RNF175: variants seen among roughly 807,000 people sequenced by gnomAD.
The protein encoded by RNF175 is ring finger protein 175.
A neutral mutation model predicts 50.0 loss-of-function variants in RNF175; 38 were observed. That is an observed-to-expected ratio of 0.76 (90% CI 0.59 to 1.00). The LOEUF is 1.00. Ranked by LOEUF, RNF175 falls within the 50% of genes least tolerant of loss-of-function variation. The pLI is 0.00. For synonymous variants in RNF175, 155 were observed against 146.1 expected, an observed-to-expected ratio of 1.06 and a Z score of -0.44; for missense variants, 388 against 409.6, an observed-to-expected ratio of 0.95 and a Z score of 0.46.
chr4:153,718,238 G>GTTTTTTTTTTTTT (rs1430601897), intron 6 of RNF175, among the ~76,000 whole-genome samples: 4 of 82,122 alleles, frequency 4.9e-5, no homozygotes, highest in Non-Finnish European at 9.2e-5. Flanking sequence ...TTGTTTGTTT[G>GTTTTTTTTTTTTT]TTTTTTTTTT....
chr4:153,727,347 T>A (rs1738760233), intron 4 of RNF175, among the ~76,000 whole-genome samples: 1 of 152,228 alleles, frequency 6.6e-6, no homozygotes, highest in Admixed American at 6.5e-5. Flanking sequence ...TGAATTCATG[T>A]ATTTGGATAT....
intron 3 of RNF175, among the ~76,000 whole-genome samples, chr4:153,733,227 T>C (rs1255860421): frequency 6.6e-6 from 1 of 152,172 alleles, no homozygotes; most frequent in Non-Finnish European, 1.5e-5. Context: ...AAGTACATGA[T>C]CTGAATTATG....
At chr4:153,723,303 G>C (rs187033485) in intron 5 of RNF175, 48 bp downstream of exon 5, 11 of 932,096 alleles carry the variant, frequency 1.2e-5, no homozygotes, top group Admixed American at 1.9e-5. Context: ...AGGTGAGTGT[G>C]CCAAGCAAGT....
At position 153,745,304 on chromosome 4, in the gene RNF175, G is replaced by A. The variant is rs182910936; in HGVS notation, c.246+3341C>T. On this transcript the variant is annotated intron_variant, in intron 3 of 8. Transcript: ENST00000347063. ...ATCGGAAACTCTATGGACAGGACCC[G>A]GGAACTTGATTTAACAAGCTCTCTA... Among the ~76,000 whole-genome samples, 318 of 152,240 alleles carry A rather than the reference G, an allele frequency of 2.1e-3. 3 individuals carry two copies. The highest frequency in any genetic ancestry group is 2.1e-3 in the Non-Finnish European group (143 of 68,004).
chr4:153,716,996 C>T (rs549078443), intron 6 of RNF175, among the ~76,000 whole-genome samples: 3 of 152,202 alleles, frequency 2.0e-5, no homozygotes, highest in Non-Finnish European at 4.4e-5. Context: ...CAAACTGACT[C>T]TAAAATGTAA....
At chr4:153,734,819 G>C (rs1254729302) in intron 3 of RNF175, among the ~76,000 whole-genome samples, 1 of 151,588 alleles carries the variant, frequency 6.6e-6, no homozygotes, top group Non-Finnish European at 1.5e-5. Flanking sequence ...GGGACTACAG[G>C]CACCCGCCAC....
chr4:153,727,228 C>T (rs533802465), intron 4 of RNF175, among the ~76,000 whole-genome samples: 28 of 152,200 alleles, frequency 1.8e-4, no homozygotes, highest in Non-Finnish European at 3.7e-4. Flanking sequence ...AAGCCAGACA[C>T]TACAAGGGCT....
At position 153,759,809 on chromosome 4, in the gene RNF175, C is replaced by CG. The variant is rs747484286; in HGVS notation, c.53dup (p.Gln19AlafsTer156). ...CCCGCGCCAGTACCTGCTCCTGCTG[C>CG]GGGGGGGCCTCCAGCACCGGCGCTG... On this transcript the variant is annotated frameshift_variant, in exon 1 of 9. Transcript: ENST00000347063. LOFTEE classifies it high-confidence loss of function. 53 of 1,475,968 alleles carry CG rather than the reference C, an allele frequency of 3.6e-5. No homozygotes were observed. Among genetic ancestry groups the CG allele is most frequent in the African/African-American group, 1.0e-4 (7 of 67,972 alleles). The allele number at this position is 1,475,968 out of a possible 1,614,324, so 91.4% of individuals were successfully genotyped here. A position where few individuals can be genotyped will look rare whatever the true frequency, so the allele number is the denominator to read the frequency against.
chr4:153,727,105 T>A (rs1332811852), intron 4 of RNF175, among the ~76,000 whole-genome samples: 1 of 152,218 alleles, frequency 6.6e-6, no homozygotes, highest in Non-Finnish European at 1.5e-5. Context: ...ATCCAGGGGA[T>A]GAAAACAAGC....
intron 6 of RNF175, among the ~76,000 whole-genome samples, chr4:153,717,534 A>AACACACACACAC (rs61710163): frequency 2.7e-5 from 4 of 149,678 alleles, no homozygotes; most frequent in African/African-American, 9.8e-5. Flanking sequence ...TACACACACA[A>AACACACACACAC]ACACACACAC....
rs539703890 is a variant in RNF175 at position 153,717,439 on chromosome 4, T to G, written c.631-1777A>C. ...AAGATCTGGACACTATGTATGTTCATTGTTGCTGGGGTGTCATTGCCCCTA... is the reference window on the plus strand; with the variant it reads ...AAGATCTGGACACTATGTATGTTCAGTGTTGCTGGGGTGTCATTGCCCCTA... On this transcript the variant is annotated intron_variant, in intron 6 of 8. Transcript: ENST00000347063. Among the ~76,000 whole-genome samples, 3 of 152,268 alleles carry G rather than the reference T, an allele frequency of 2.0e-5. No homozygotes were observed. In the South Asian group the frequency reaches 6.2e-4, roughly 32 times the overall value.
At chr4:153,717,782 C>G (rs1421873142) in intron 6 of RNF175, among the ~76,000 whole-genome samples, 1 of 152,012 alleles carries the variant, frequency 6.6e-6, no homozygotes, top group Non-Finnish European at 1.5e-5. Context: ...TTTTTCCCAC[C>G]CCTTTCAATG....
At position 153,710,435 on chromosome 4, in the gene RNF175, C is replaced by G. The variant is rs1337; in HGVS notation, c.921G>C (p.Leu307Phe). 295,024 of 1,594,636 alleles carry G rather than the reference C, an allele frequency of 0.19. 30,058 individuals carry two copies. The highest frequency in any genetic ancestry group is 0.21 in the Non-Finnish European group (242,370 of 1,169,114). The part of the protein sequence containing the change: ...YGQILDWLRY[L>F]VAWQPVVIGI... ...CTATCACCACAGGTTGCCAGGCCACCAAATAACGAAGCCAATCCAGGATTT... is the reference window on the plus strand; with the variant it reads ...CTATCACCACAGGTTGCCAGGCCACGAAATAACGAAGCCAATCCAGGATTT... Residue 307 changes from leucine to phenylalanine, a missense_variant, in exon 9 of 9, where the codon TTG becomes TTC. Coordinates refer to ENST00000347063, the MANE Select transcript of RNF175 (RefSeq NM_173662.4).
At position 153,710,619 on chromosome 4, in the gene RNF175, T is replaced by C. The variant is rs1737505057; in HGVS notation, c.867-130A>G. 8 of 854,112 alleles carry C rather than the reference T, an allele frequency of 9.4e-6. No homozygotes were observed. The South Asian group carries it at 1.1e-4, about 11-fold the overall frequency. 52.9% of individuals were successfully genotyped at this position (854,112 alleles called of 1,614,324 possible). A position where few individuals can be genotyped will look rare whatever the true frequency, so the allele number is the denominator to read the frequency against. The stretch of plus-strand genomic sequence containing the variant: ...TTTCTTGTTAATTCTATGTGCTCAA[T>C]TAAAAGCCCCTTATGTGAGTTTTAT... On this transcript the variant is annotated intron_variant, in intron 8 of 8. Coordinates refer to ENST00000347063, the MANE Select transcript of RNF175 (RefSeq NM_173662.4).
chr4:153,718,238 G>GTTTTTTTTTTTTTTTTTTTTTTTTTTTT (rs1430601897), intron 6 of RNF175, among the ~76,000 whole-genome samples: 3 of 82,126 alleles, frequency 3.7e-5, no homozygotes, highest in African/African-American at 4.8e-5. Context: ...TTGTTTGTTT[G>GTTTTTTTTTTTTTTTTTTTTTTTTTTTT]TTTTTTTTTT....
intron 1 of RNF175, among the ~76,000 whole-genome samples, chr4:153,751,969 T>C (rs1297366158): frequency 6.6e-6 from 1 of 152,226 alleles, no homozygotes; most frequent in African/African-American, 2.4e-5. Context: ...ATTTGGAGCA[T>C]TCTTGTACTC....
chr4:153,718,222 G>GTT (rs1460898288), intron 6 of RNF175, among the ~76,000 whole-genome samples: 715 of 37,426 alleles, frequency 0.019, 114 homozygotes, highest in Non-Finnish European at 0.036. Context: ...TTTTTTGTTT[G>GTT]TTTGTTTGTT....
At chr4:153,757,737 C>T (rs934336700) in intron 1 of RNF175, among the ~76,000 whole-genome samples, 3 of 151,770 alleles carry the variant, frequency 2.0e-5, no homozygotes, top group Admixed American at 2.0e-4. Flanking sequence ...GAAGAGGGAA[C>T]TCCTAAACCC....
Position 153,728,252 on chromosome 4 carries a change from A to G in RNF175, c.356T>C (p.Ile119Thr), listed in dbSNP as rs374825599. ...WGMFSVITSY[I>T]LFRATRKPLS... ...GGGTTTTCGGGTAGCTCTGAAGAGG[A>G]TGTAACTGGTAATAACGGAGAACAT... Residue 119 changes from isoleucine to threonine, a missense_variant, in exon 4 of 9, where the codon ATC becomes ACC. Ile to Thr is a moderately conservative substitution (Grantham distance 89). Transcript: ENST00000347063. 11 of 1,613,642 alleles carry G rather than the reference A, an allele frequency of 6.8e-6. No homozygotes were observed. In the African/African-American group the frequency reaches 1.5e-4, roughly 22 times the overall value.
Sources: gnomAD v4.1 joint callset for allele counts (sites outside exome capture counted in the v4.1 genomes callset) on GRCh38, gnomAD v4.1.1 for gene constraint, MANE v1.5 for transcripts, NCBI Gene and HGNC (gene_info 2026-07-23, HGNC 2026-07-21) for gene names.